PRMT3: variants seen among roughly 807,000 people sequenced by gnomAD.
PRMT3 encodes the protein protein arginine methyltransferase 3.
Under a neutral mutation model 71.9 loss-of-function variants are expected in PRMT3, and 62 were observed. That is an observed-to-expected ratio of 0.86 (90% CI 0.70 to 1.07). The LOEUF is 1.07. Ranked by LOEUF, PRMT3 falls within the 50% of genes least tolerant of loss-of-function variation. The probability of loss-of-function intolerance (pLI) is 0.00; values close to 1 mark genes in which losing one functional copy is unlikely to be tolerated. For synonymous variants in PRMT3, 213 were observed against 220.4 expected, an observed-to-expected ratio of 0.97 and a Z score of 0.30; for missense variants, 663 against 643.0, an observed-to-expected ratio of 1.03 and a Z score of -0.34.
chr11:20,488,014 T>C (rs1016642043), intron 13 of PRMT3, among the ~76,000 whole-genome samples: 1 of 152,186 alleles, frequency 6.6e-6, no homozygotes, highest in African/African-American at 2.4e-5. Flanking sequence ...CATATTGCTT[T>C]GTCTATTTTT....
intron 15 of PRMT3, among the ~76,000 whole-genome samples, chr11:20,500,603 T>G (rs551738495): frequency 4.6e-5 from 7 of 152,264 alleles, no homozygotes; most frequent in African/African-American, 1.7e-4. Context: ...ATAATTAAAT[T>G]TTTACAAAGG....
intron 12 of PRMT3, among the ~76,000 whole-genome samples, chr11:20,463,374 T>G (rs1425803466): frequency 3.3e-5 from 5 of 152,150 alleles, no homozygotes; most frequent in African/African-American, 7.2e-5. Context: ...ATAAAGAGTT[T>G]ATTTGGGCTC....
At chr11:20,441,267 A>T (rs756349549) in intron 10 of PRMT3, among the ~76,000 whole-genome samples, 86 of 2,540 alleles carry the variant, frequency 0.034, no homozygotes, top group South Asian at 0.17. Flanking sequence ...CTAACTTTTT[A>T]TTTATTTATT....
At chr11:20,502,204 T>G (rs1851474418) in intron 15 of PRMT3, among the ~76,000 whole-genome samples, 5 of 152,208 alleles carry the variant, frequency 3.3e-5, no homozygotes, top group Admixed American at 3.3e-4. Context: ...TGCACACACT[T>G]AACAACATCA....
intron 15 of PRMT3, among the ~76,000 whole-genome samples, chr11:20,501,695 ATAGAGTTATTTTGCCTAGATGAGGACACT>A (rs1851462172): frequency 6.6e-6 from 1 of 152,188 alleles, no homozygotes; most frequent in Non-Finnish European, 1.5e-5. Flanking sequence ...AAATGGAACT[ATAGAGTTATTTTGCCTAGATGAGGACACT>A]TAAAGTTTGA....
intron 13 of PRMT3, among the ~76,000 whole-genome samples, chr11:20,477,268 A>G (rs7946612): frequency 0.82 from 125,275 of 152,090 alleles, 52,441 homozygotes; most frequent in Non-Finnish European, 0.91. Context: ...TAGACACATC[A>G]AGGGGTGGGT....
chr11:20,401,842 A>G lies in PRMT3; in HGVS notation c.706-1077A>G, dbSNP rs554163231. 2.0e-5 allele frequency among the ~76,000 whole-genome samples: 3 copies of G among 152,334 alleles called. No homozygotes were observed. In the South Asian group the frequency reaches 6.2e-4, roughly 32 times the overall value. On this transcript the variant is annotated intron_variant, in intron 7 of 15. Transcript: ENST00000331079. ...TTGGTCACAGGTTATGGGAGACTCC[A>G]GAGTGTAGGAGCCTTATAATGTGGG... is the stretch of plus-strand genomic sequence containing the variant.
intron 9 of PRMT3, among the ~76,000 whole-genome samples, chr11:20,425,120 AAAG>A (rs1409843248): frequency 6.6e-6 from 1 of 152,016 alleles, no homozygotes; most frequent in African/African-American, 2.4e-5. Context: ...AAAAAAAAAA[AAAG>A]AAAGAATACA....
At chr11:20,399,254 A>G (rs1317583307) in intron 7 of PRMT3, among the ~76,000 whole-genome samples, 1 of 152,136 alleles carries the variant, frequency 6.6e-6, no homozygotes, top group Non-Finnish European at 1.5e-5. Context: ...CTAACCAGGG[A>G]TATTTGATAA....
intron 10 of PRMT3, among the ~76,000 whole-genome samples, chr11:20,439,663 A>G (rs1849842268): frequency 6.6e-6 from 1 of 152,216 alleles, no homozygotes; most frequent in South Asian, 2.1e-4. Context: ...AAGTGGAGAT[A>G]ATATTACCAT....
At chr11:20,451,637 T>G (rs891013113) in intron 10 of PRMT3, among the ~76,000 whole-genome samples, 1 of 152,112 alleles carries the variant, frequency 6.6e-6, no homozygotes, top group Non-Finnish European at 1.5e-5. Flanking sequence ...TCCTGTGCAT[T>G]GAAGGATGTT....
intron 13 of PRMT3, among the ~76,000 whole-genome samples, chr11:20,481,155 T>A (rs188658760): frequency 1.3e-5 from 2 of 152,226 alleles, no homozygotes; most frequent in East Asian, 3.9e-4. Flanking sequence ...TAACCTATGC[T>A]ATTCCTTGAG....
At chr11:20,488,814 T>C (rs1230145982) in intron 13 of PRMT3, among the ~76,000 whole-genome samples, 2 of 152,158 alleles carry the variant, frequency 1.3e-5, no homozygotes, top group Non-Finnish European at 2.9e-5. Flanking sequence ...TCCCAAATCA[T>C]TGTTCTTCAA....
intron 13 of PRMT3, among the ~76,000 whole-genome samples, chr11:20,479,843 C>T (rs1451272097): frequency 1.3e-5 from 2 of 152,094 alleles, no homozygotes; most frequent in African/African-American, 2.4e-5. Flanking sequence ...CAGATACACA[C>T]ACAGAAATAT....
At chr11:20,461,705 T>C (rs1850386773) in intron 11 of PRMT3, among the ~76,000 whole-genome samples, 1 of 152,202 alleles carries the variant, frequency 6.6e-6, no homozygotes. Flanking sequence ...ATAAATATGT[T>C]TATTTCAGAA....
chr11:20,451,659 C>T (rs116967717), intron 10 of PRMT3, among the ~76,000 whole-genome samples: 3,687 of 152,090 alleles, frequency 0.024, 78 homozygotes, highest in Non-Finnish European at 0.034. Flanking sequence ...ACCAACATAC[C>T]TTGGCTCTAC....
intron 3 of PRMT3, among the ~76,000 whole-genome samples, chr11:20,390,030 A>G (rs1848679390): frequency 6.6e-6 from 1 of 152,102 alleles, no homozygotes; most frequent in African/African-American, 2.4e-5. Flanking sequence ...GCACACCTGT[A>G]ATAGCAGCTG....
At chr11:20,410,500 T>TAGTC (rs1555008376) in intron 9 of PRMT3, among the ~76,000 whole-genome samples, 11,944 of 151,836 alleles carry the variant, frequency 0.079, 601 homozygotes, top group East Asian at 0.2. Context: ...TCAAAATAAA[T>TAGTC]AGGTAGTTGT....
Position 20,462,003 on chromosome 11 carries a change from A to T in PRMT3, c.1096A>T (p.Ser366Cys). ...AGTCTACCCTGACATTTGCACTATC[A>T]GCCTTGTAGCAGTGAGTGATGTGAA... ...GSVYPDICTI[S>C]LVAVSDVNKH... Residue 366 changes from serine (S) to cysteine (C), a missense_variant, in exon 12 of 16, where the codon AGC (serine) becomes TGC (cysteine). By Grantham distance (112) the Ser-to-Cys change is moderately radical. Coordinates refer to ENST00000331079, the MANE Select transcript of PRMT3 (RefSeq NM_005788.4). 1 of 1,592,708 alleles carries T rather than the reference A, an allele frequency of 6.3e-7. No individual in the cohort carries two copies. The highest frequency in any genetic ancestry group is 2.2e-5 in the East Asian group (1 of 44,564).
Sources: gnomAD v4.1 joint callset for allele counts (sites outside exome capture counted in the v4.1 genomes callset) on GRCh38, gnomAD v4.1.1 for gene constraint, MANE v1.5 for transcripts, NCBI Gene and HGNC (gene_info 2026-07-23, HGNC 2026-07-21) for gene names.